SLC2A14: variants seen among roughly 807,000 people sequenced by gnomAD.
SLC2A14 encodes solute carrier family 2 member 14, also known as solute carrier family 2, facilitated glucose transporter member 14.
Under a neutral mutation model 43.0 loss-of-function variants are expected in SLC2A14, and 13 were observed. That is an observed-to-expected ratio of 0.30 (90% CI 0.20 to 0.48). The LOEUF (loss-of-function observed/expected upper bound fraction) is 0.48, where lower values mean the gene tolerates loss of function less well. Ranked by LOEUF, SLC2A14 falls within the 20% of genes least tolerant of loss-of-function variation. The pLI, the probability that SLC2A14 is intolerant of heterozygous loss-of-function variation, is 0.99. For synonymous variants in SLC2A14, 190 were observed against 233.8 expected (o/e 0.81, Z 1.71); for missense variants, 428 against 620.4 (o/e 0.69, Z 3.29).
At chr12:7,890,093 ACCT>A (rs1414842740) in intron 1 of SLC2A14, among the ~76,000 whole-genome samples, 1 of 151,528 alleles carries the variant, frequency 6.6e-6, no homozygotes, top group African/African-American at 2.4e-5. Context: ...TTTTGTGCTG[ACCT>A]CCTATCTCAT....
intron 1 of SLC2A14, among the ~76,000 whole-genome samples, chr12:7,890,026 T>A (rs1945749329): frequency 6.6e-6 from 1 of 152,048 alleles, no homozygotes; most frequent in Non-Finnish European, 1.5e-5. Context: ...TTTTGGTAGG[T>A]TTTGGCTGGC....
Position 7,829,786 on chromosome 12 carries a change from T to G in SLC2A14, c.493A>C (p.Ile165Leu). The change falls in exon 5 of 11, where the codon ATT (isoleucine) becomes CTT (leucine). Residue 165 changes from isoleucine to leucine, a missense_variant. This residue lies in a region of SLC2A14 where 185 missense variants were observed against 275.4 expected (regional missense o/e 0.67). Coordinates refer to ENST00000431042, the MANE Select transcript of SLC2A14 (RefSeq NM_001286234.2). ...FGTLNQLGIV[I>L]GILVAQIFGL... ...AGTACCTGGGCCACCAGAATTCCAA[T>G]AACTATGCCCAGCTGGTTGAGAGTG... 1 of 1,614,116 alleles carries G rather than the reference T, an allele frequency of 6.2e-7. No homozygotes were observed. Among genetic ancestry groups the G allele is most frequent in the Admixed American group, 1.7e-5 (1 of 60,004 alleles).
At chr12:7,845,085 G>A (rs1208545536) in intron 2 of SLC2A14, among the ~76,000 whole-genome samples, 2 of 152,018 alleles carry the variant, frequency 1.3e-5, no homozygotes, top group African/African-American at 4.8e-5. Context: ...CTGATCCCTA[G>A]CCACGTTCAT....
chr12:7,866,224 CA>C (rs1294745106), intron 2 of SLC2A14, among the ~76,000 whole-genome samples: 721 of 93,582 alleles, frequency 7.7e-3, no homozygotes, highest in Middle Eastern at 0.027. Flanking sequence ...GACTCTGTCT[CA>C]AAAAAAAAAA....
upstream of SLC2A14, among the ~76,000 whole-genome samples, chr12:7,874,891 TA>T (rs1253470137): frequency 9.1e-6 from 1 of 109,974 alleles, no homozygotes; most frequent in African/African-American, 3.8e-5. Flanking sequence ...TATATTTATA[TA>T]AAAATTATAT....
chr12:7,817,933 G>A lies in SLC2A14; in HGVS notation c.1173C>T (p.Ala391=), dbSNP rs751153784. ...GGCGGGGGCCCTGGCTGAAGAGTTCGGCCACAATAAACCAGGGAATGGGGC... is the reference window on the plus strand; with the variant it reads ...GGCGGGGGCCCTGGCTGAAGAGTTCAGCCACAATAAACCAGGGAATGGGGC... ...GPGPIPWFIV[A]ELFSQGPRPA... The change falls in exon 10 of 11, where the codon GCC becomes GCT. Residue 391 remains alanine (A), a synonymous_variant. Coordinates refer to ENST00000431042, the MANE Select transcript of SLC2A14 (RefSeq NM_001286234.2). 44 of 1,613,976 alleles carry A rather than the reference G, an allele frequency of 2.7e-5. No individual in the cohort carries two copies. Among genetic ancestry groups the A allele is most frequent in the Admixed American group, 3.3e-5 (2 of 59,984 alleles).
chr12:7,829,658 C>T, intron 5 of SLC2A14, 108 bp downstream of exon 5: 1 of 1,455,358 alleles, frequency 6.9e-7, no homozygotes, highest in Non-Finnish European at 9.3e-7. Context: ...CTAAAACTTC[C>T]ATATGTAATT....
At chr12:7,858,705 G>A (rs1944386736) in intron 2 of SLC2A14, among the ~76,000 whole-genome samples, 1 of 151,896 alleles carries the variant, frequency 6.6e-6, no homozygotes, top group African/African-American at 2.4e-5. Context: ...CTCCATGTTG[G>A]TCAGGCTGAT....
intron 1 of SLC2A14, among the ~76,000 whole-genome samples, chr12:7,883,432 GATTTTTTGT>G (rs1945626833): frequency 6.8e-6 from 1 of 146,400 alleles, no homozygotes; most frequent in Non-Finnish European, 1.5e-5. Context: ...ATGCATGGCT[GATTTTTTGT>G]ATTTTTAGTA....
intron 2 of SLC2A14, among the ~76,000 whole-genome samples, chr12:7,857,905 C>G (rs1944338469): frequency 6.6e-6 from 1 of 152,088 alleles, no homozygotes; most frequent in Non-Finnish European, 1.5e-5. Context: ...AGGAGGATCA[C>G]TTGAGGCCAG....
At chr12:7,862,545 G>T (rs1254759626) in intron 2 of SLC2A14, among the ~76,000 whole-genome samples, 1 of 152,006 alleles carries the variant, frequency 6.6e-6, no homozygotes, top group Non-Finnish European at 1.5e-5. Context: ...CAGTCCCATC[G>T]ACCACCCAAG....
chr12:7,833,638 G>A lies in SLC2A14; in HGVS notation c.19-824C>T, dbSNP rs777093838. Among the ~76,000 whole-genome samples, 158 of 152,132 alleles carry A rather than the reference G, an allele frequency of 1.0e-3. 1 individual carries two copies. The highest frequency in any genetic ancestry group is 3.5e-3 in the African/African-American group (147 of 41,498). ...TCTACTAAAAATACAAAAATTAGCA[G>A]GGCATGGTGGGGTGTGCCTGTAATC... On this transcript the variant is annotated intron_variant, in intron 2 of 10. Coordinates refer to ENST00000431042, the MANE Select transcript of SLC2A14 (RefSeq NM_001286234.2).
At chr12:7,837,348 A>C (rs1447833972) in intron 2 of SLC2A14, among the ~76,000 whole-genome samples, 4 of 152,194 alleles carry the variant, frequency 2.6e-5, no homozygotes, top group Admixed American at 1.3e-4. Context: ...ATAAAGTAAT[A>C]AAAGATGGTT....
rs1255803382 is a variant in SLC2A14, at chr12:7,816,191, G to A, written c.1275+1640C>T. 2.3e-5 allele frequency among the ~76,000 whole-genome samples: 2 copies of A among 88,090 alleles called. 1 individual carries two copies. The highest frequency in any genetic ancestry group is 2.8e-4 in the Admixed American group (2 of 7,234). 57.8% of individuals were successfully genotyped at this position (88,090 alleles called of 152,430 possible). On this transcript the variant is annotated intron_variant, in intron 10 of 10. Transcript: ENST00000431042. ...GCAATCTCGGCTCACTGCAAGCTCCGCTTCCCGGGTTCACGCCATTCTCCT... is the reference window on the plus strand; with the variant it reads ...GCAATCTCGGCTCACTGCAAGCTCCACTTCCCGGGTTCACGCCATTCTCCT...
chr12:7,812,817 C>T lies in SLC2A14; in HGVS notation c.*1499G>A, dbSNP rs1863149396. 6.6e-6 allele frequency: 1 copy of T among 151,964 alleles called. No homozygotes were observed. Among genetic ancestry groups the T allele is most frequent in the South Asian group, 2.1e-4 (1 of 4,810 alleles). The allele number at this position is 151,964 out of a possible 1,614,324, so 9.4% of individuals were successfully genotyped here. A position where few individuals can be genotyped will look rare whatever the true frequency, so the allele number is the denominator to read the frequency against. On this transcript the variant is annotated 3_prime_UTR_variant, in exon 11 of 11. Coordinates refer to ENST00000431042, the MANE Select transcript of SLC2A14 (RefSeq NM_001286234.2). ...CTAAAGGGTCTGAGATGTGTAAGCA[C>T]CAAGAAGGGAAAGGGAGACTGAGCA...
At chr12:7,873,140 G>A (rs1945334202), upstream of SLC2A14, 1 of 985,738 alleles carries the variant, frequency 1.0e-6, no homozygotes. Flanking sequence ...CGCCCCCTCA[G>A]GCGTCTTCCT....
exon 1 of SLC2A14, chr12:7,891,048 G>T: frequency 6.5e-7 from 1 of 1,534,980 alleles, no homozygotes; most frequent in South Asian, 1.2e-5. Flanking sequence ...GGTCTGAGAA[G>T]AAAAAAAGAA....
At chr12:7,879,253 A>C (rs1484479060) in intron 1 of SLC2A14, among the ~76,000 whole-genome samples, 2 of 150,890 alleles carry the variant, frequency 1.3e-5, no homozygotes, top group Non-Finnish European at 2.9e-5. Flanking sequence ...CGTCTGCCTC[A>C]GCTTGAGGCC....
At chr12:7,883,331 G>A (rs1463116072) in intron 1 of SLC2A14, among the ~76,000 whole-genome samples, 1 of 137,946 alleles carries the variant, frequency 7.2e-6, no homozygotes, top group Non-Finnish European at 1.5e-5. Context: ...GCAGGGGCGT[G>A]ATCTTGGCTC....
Sources: gnomAD v4.1 joint callset for allele counts (sites outside exome capture counted in the v4.1 genomes callset) on GRCh38, gnomAD v4.1.1 for gene constraint, gnomAD v4.1.1 regional missense constraint, MANE v1.5 for transcripts, NCBI Gene and HGNC (gene_info 2026-07-23, HGNC 2026-07-21) for gene names.